Variants in HELZ observed in about 807,000 individuals in gnomAD.
HELZ encodes the protein helicase with zinc finger, also known as ATP-dependent RNA helicase with zinc finger domain.
Under a neutral mutation model 218.2 loss-of-function variants are expected in HELZ, and 23 were observed. The ratio of observed to expected loss-of-function variants is 0.11; its 90% CI spans 0.08 to 0.15. The LOEUF (loss-of-function observed/expected upper bound fraction) is 0.15. HELZ is among the 10% of genes least tolerant of loss of function. The probability of loss-of-function intolerance (pLI) is 1.00; values close to 1 mark genes in which losing one functional copy is unlikely to be tolerated. For missense variants in HELZ, 1,813 were observed against 2,353.7 expected (o/e 0.77, Z 4.75); for synonymous variants, 814 against 829.4 (o/e 0.98, Z 0.32).
intron 15 of HELZ, among the ~76,000 whole-genome samples, chr17:67,165,474 C>T (rs2039116281): frequency 6.6e-6 from 1 of 152,148 alleles, no homozygotes; most frequent in Admixed American, 6.6e-5. Context: ...ATCCCAGAGG[C>T]TCCATTAGTC....
At chr17:67,138,239 A>AC in intron 21 of HELZ, 125 bp from the exon 22 acceptor site, 5 of 685,014 alleles carry the variant, frequency 7.3e-6, no homozygotes, top group Non-Finnish European at 1.1e-5. Flanking sequence ...AAAAAAAAAA[A>AC]ACTACCCCTA....
At chr17:67,217,536 A>G (rs1465392646) in intron 4 of HELZ, among the ~76,000 whole-genome samples, 2 of 152,164 alleles carry the variant, frequency 1.3e-5, no homozygotes, top group African/African-American at 4.8e-5. Context: ...AAGCCCTGCA[A>G]TAGCTCCCCA....
intron 13 of HELZ, among the ~76,000 whole-genome samples, chr17:67,175,911 G>T (rs921062455): frequency 1.3e-5 from 2 of 151,802 alleles, no homozygotes; most frequent in African/African-American, 4.8e-5. Flanking sequence ...CAATAAATAT[G>T]ATATAACTTT....
At chr17:67,126,312 G>T (rs1407468917) in intron 24 of HELZ, among the ~76,000 whole-genome samples, 6 of 152,240 alleles carry the variant, frequency 3.9e-5, no homozygotes, top group African/African-American at 1.4e-4. Flanking sequence ...AAGAACGCTA[G>T]ACAATATATA....
In HELZ at chr17:67,196,608, G is replaced by GCATGGGTGGGTGGATGGGAA. The variant is rs1343942018; in HGVS notation, c.430-1158_430-1139dup. On this transcript the variant is annotated intron_variant, in intron 7 of 32. Transcript: ENST00000358691. ...TGGATGGATGGATGGATGGATGGGTGCATGGGTGGGTGGATGGGAACATGG... is the reference window on the plus strand; with the variant it reads ...TGGATGGATGGATGGATGGATGGGTGCATGGGTGGGTGGATGGGAACATGGGTGGGTGGATGGGAACATGG... 2.2e-4 allele frequency among the ~76,000 whole-genome samples: 33 copies of GCATGGGTGGGTGGATGGGAA among 150,514 alleles called. 1 individual carries two copies. The highest frequency in any genetic ancestry group is 2.1e-4 in the South Asian group (1 of 4,726).
In HELZ at chr17:67,201,144, A is replaced by G. The variant is rs745504049; in HGVS notation, c.414T>C (p.Leu138=). Residue 138 remains leucine, a synonymous_variant, in exon 7 of 33, where the codon CTT becomes CTC. Coordinates refer to ENST00000358691, the MANE Select transcript of HELZ (RefSeq NM_014877.4). ...ATGGCCTTACCTCTGTTTCTGAGAGAAGTGTTTTTAGTCTTGTCAAATCCT... is the reference window on the plus strand; with the variant it reads ...ATGGCCTTACCTCTGTTTCTGAGAGGAGTGTTTTTAGTCTTGTCAAATCCT... The part of the protein sequence containing the change: ...VTKDLTRLKT[L]LSETETATSN... 9.9e-6 allele frequency: 16 copies of G among 1,608,504 alleles called. No individual in the cohort carries two copies. In the South Asian group the frequency reaches 1.8e-4, roughly 18 times the overall value.
At position 67,078,454 on chromosome 17, in the gene HELZ, G is replaced by A. The variant is rs758080750; in HGVS notation, c.5627C>T (p.Ala1876Val). Residue 1876 changes from alanine (A) to valine (V), a missense_variant, in exon 33 of 33, where the codon GCG becomes GTG. Coordinates refer to ENST00000358691, the MANE Select transcript of HELZ (RefSeq NM_014877.4). Reference sequence around the variant, plus strand: ...GGGGCTACTGCTATTGGCCGACTCCGCGATCTGCTTGTTAGGCATAAGGGG... The same window carrying A: ...GGGGCTACTGCTATTGGCCGACTCCACGATCTGCTTGTTAGGCATAAGGGG... ...FPPLMPNKQI[A>V]ESANSSSPQS... The A allele has an allele frequency of 1.2e-5, 19 of 1,593,176 alleles. No homozygotes were observed. Among genetic ancestry groups the A allele is most frequent in the African/African-American group, 5.4e-5 (4 of 73,920 alleles).
intron 20 of HELZ, among the ~76,000 whole-genome samples, chr17:67,146,428 A>T (rs1375396685): frequency 6.6e-6 from 1 of 152,242 alleles, no homozygotes; most frequent in Non-Finnish European, 1.5e-5. Context: ...CCAACAGGCC[A>T]TTTACACCAT....
intron 3 of HELZ, among the ~76,000 whole-genome samples, chr17:67,220,061 C>T (rs1366913968): frequency 1.3e-5 from 2 of 152,208 alleles, no homozygotes; most frequent in East Asian, 1.9e-4. Context: ...CTCCTCCCTA[C>T]CTTCCACCTT....
intron 31 of HELZ, among the ~76,000 whole-genome samples, chr17:67,090,748 G>A (rs2036551840): frequency 1.3e-5 from 2 of 152,016 alleles, no homozygotes; most frequent in African/African-American, 4.8e-5. Flanking sequence ...CCTAATATAG[G>A]TAGTTTGTAT....
At chr17:67,089,696 G>GAGAGAGAGAGAGAC (rs34752223) in intron 31 of HELZ, among the ~76,000 whole-genome samples, 1,299 of 121,802 alleles carry the variant, frequency 0.011, 23 homozygotes, top group East Asian at 0.023. Flanking sequence ...GAGAGAGAGA[G>GAGAGAGAGAGAGAC]AGAGACAGAG....
intron 18 of HELZ, among the ~76,000 whole-genome samples, chr17:67,150,564 T>C (rs1317934179): frequency 6.6e-6 from 1 of 152,184 alleles, no homozygotes; most frequent in East Asian, 1.9e-4. Flanking sequence ...ACAATCTTAA[T>C]AACATGCCAT....
In HELZ at chr17:67,168,405, T is replaced by C. The variant is rs1180200011; in HGVS notation, c.1431-609A>G. ...TTTAAAATGAAACTAAATGTTGTTT[T>C]TTAAGTAACATGAAATATTATATAC... On this transcript the variant is annotated intron_variant, in intron 13 of 32. Transcript: ENST00000358691. 2.0e-5 allele frequency among the ~76,000 whole-genome samples: 3 copies of C among 152,200 alleles called. No homozygotes were observed. The South Asian group carries it at 6.2e-4, about 31-fold the overall frequency.
intron 15 of HELZ, among the ~76,000 whole-genome samples, chr17:67,165,453 A>C (rs889026695): frequency 6.6e-6 from 1 of 152,172 alleles, no homozygotes; most frequent in Non-Finnish European, 1.5e-5. Context: ...CCTGGAAACC[A>C]CTTACTAAAG....
chr17:67,138,751 C>A (rs1348925829), intron 21 of HELZ, among the ~76,000 whole-genome samples: 1 of 152,164 alleles, frequency 6.6e-6, no homozygotes, highest in African/African-American at 2.4e-5. Context: ...TGCAATAAAG[C>A]AATGCCACAG....
intron 7 of HELZ, among the ~76,000 whole-genome samples, chr17:67,200,315 G>A (rs1343823963): frequency 6.6e-6 from 1 of 152,054 alleles, no homozygotes; most frequent in East Asian, 1.9e-4. Flanking sequence ...CCTTCCATGT[G>A]TCCTCCAAGT....
rs1598384776 is a variant in HELZ, at chr17:67,182,543, C to T, written c.1163-3617G>A. ...ACAGTGACTTATTAACCAATTCTTACAATAATAAATCTCAAAGCAAACCTG... is the reference window on the plus strand; with the variant it reads ...ACAGTGACTTATTAACCAATTCTTATAATAATAAATCTCAAAGCAAACCTG... On this transcript the variant is annotated intron_variant, in intron 12 of 32. Transcript: ENST00000358691. Among the ~76,000 whole-genome samples, 3 of 152,236 alleles carry T rather than the reference C, an allele frequency of 2.0e-5. No individual in the cohort carries two copies. The East Asian group carries it at 5.8e-4, about 29-fold the overall frequency.
chr17:67,243,475 C>G (rs545404808), intron 2 of HELZ, among the ~76,000 whole-genome samples: 4 of 152,118 alleles, frequency 2.6e-5, no homozygotes, highest in African/African-American at 9.7e-5. Flanking sequence ...AGTAAAGTTA[C>G]GCAAGAAAAT....
At chr17:67,156,790 T>C (rs2038856005) in intron 17 of HELZ, among the ~76,000 whole-genome samples, 1 of 152,116 alleles carries the variant, frequency 6.6e-6, no homozygotes, top group Non-Finnish European at 1.5e-5. Flanking sequence ...CCAATTAATA[T>C]TTCATTGTAA....
Sources: gnomAD v4.1 joint callset for allele counts (sites outside exome capture counted in the v4.1 genomes callset) on GRCh38, gnomAD v4.1.1 for gene constraint, MANE v1.5 for transcripts, NCBI Gene and HGNC (gene_info 2026-07-23, HGNC 2026-07-21) for gene names.